The following TMEM164 variants were observed in gnomAD, a reference collection of about 807,000 sequenced individuals.
TMEM164 encodes the protein transmembrane protein 164.
In TMEM164, 4 loss-of-function variants were observed where a neutral mutation model predicts 18.8. The ratio of observed to expected loss-of-function variants is 0.21; its 90% CI spans 0.10 to 0.49. TMEM164 has a LOEUF of 0.49. Among genes scored for constraint, TMEM164 ranks in the 20% least tolerant of loss-of-function variants. TMEM164 has a pLI of 0.98. For synonymous variants in TMEM164, 86 were observed against 101.7 expected, an observed-to-expected ratio of 0.85 and a Z score of 0.93; for missense variants, 108 against 239.9, an observed-to-expected ratio of 0.45 and a Z score of 3.63.
chrX:110,103,308 T>G (rs774044689), intron 3 of TMEM164, among the ~76,000 whole-genome samples: 1 of 112,130 alleles, frequency 8.9e-6, no homozygotes, highest in East Asian at 2.8e-4. Flanking sequence ...ATTAGGGTGG[T>G]CAGGAGGCAG....
intron 2 of TMEM164, among the ~76,000 whole-genome samples, chrX:110,061,730 G>A (rs1022780624): frequency 2.7e-5 from 3 of 111,520 alleles, no homozygotes; most frequent in African/African-American, 9.8e-5. Context: ...AAACTCCTTA[G>A]ACTGACAAAA....
In TMEM164 at chrX:110,046,178, A is replaced by G. The variant is rs1935310399; in HGVS notation, c.391-21169A>G. ...CACAGATACCTGATTATTTCTGTCA[A>G]GCTCAGTGCTGACGTTATGGGCTTT... On this transcript the variant is annotated intron_variant, in intron 2 of 6. Transcript: ENST00000372068. 3 of 754,678 alleles carry G rather than the reference A, an allele frequency of 4.0e-6. No homozygotes were observed. The African/African-American group carries it at 6.8e-5, about 17-fold the overall frequency. The allele number at this position is 754,678 out of a possible 1,213,427, so 62.2% of individuals were successfully genotyped here. A position where few individuals can be genotyped will look rare whatever the true frequency, so the allele number is the denominator to read the frequency against.
At chrX:110,046,257 G>A (rs1438498441) in intron 2 of TMEM164, 8 of 753,156 alleles carry the variant, frequency 1.1e-5, no homozygotes, top group Non-Finnish European at 1.3e-5. Flanking sequence ...GATCCTGACT[G>A]TTCATTTATC....
rs767122986 is a variant in TMEM164, at chrX:110,003,791, A to G, written c.17A>G (p.Tyr6Cys). MSRYS[Y>C]QSLLDWLYGG... ...CACTGCATCATGTCCCGGTATAGCT[A>G]CCAGAGTCTCCTGGACTGGCTCTAT... is the stretch of plus-strand genomic sequence containing the variant. Residue 6 changes from tyrosine to cysteine, a missense_variant, in exon 2 of 7, where the codon TAC becomes TGC. Coordinates refer to ENST00000372068, the MANE Select transcript of TMEM164 (RefSeq NM_032227.4). 2.5e-6 allele frequency: 3 copies of G among 1,200,743 alleles called. No individual in the cohort carries two copies. The African/African-American group carries it at 5.3e-5, about 21-fold the overall frequency.
At chrX:110,066,754 T>C (rs936208339) in intron 2 of TMEM164, among the ~76,000 whole-genome samples, 4 of 111,611 alleles carry the variant, frequency 3.6e-5, no homozygotes, top group African/African-American at 1.3e-4. Context: ...TGGTTTTACC[T>C]GGGAGGAGAA....
intron 2 of TMEM164, among the ~76,000 whole-genome samples, chrX:110,033,553 GGCATCTA>G (rs1934617035): frequency 8.9e-6 from 1 of 111,813 alleles, no homozygotes; most frequent in Non-Finnish European, 1.9e-5. Flanking sequence ...AGGTAGCAAA[GGCATCTA>G]GCATCTGGAG....
chrX:110,061,580 G>A (rs1480522815), intron 2 of TMEM164, among the ~76,000 whole-genome samples: 1 of 111,979 alleles, frequency 8.9e-6, no homozygotes, highest in Non-Finnish European at 1.9e-5. Flanking sequence ...TACCTCAGTG[G>A]TTGGTCAACC....
chrX:110,007,869 A>T (rs1196830132), intron 2 of TMEM164, among the ~76,000 whole-genome samples: 1 of 112,155 alleles, frequency 8.9e-6, no homozygotes, highest in Non-Finnish European at 1.9e-5. Context: ...GTCTGTGCCA[A>T]CATCTCCTGA....
At chrX:110,104,686 A>C (rs1368051644) in intron 3 of TMEM164, among the ~76,000 whole-genome samples, 1 of 112,069 alleles carries the variant, frequency 8.9e-6, no homozygotes, top group Non-Finnish European at 1.9e-5. Context: ...TCTCTTCCTC[A>C]TGACTTTCTT....
At chrX:110,144,956 G>C (rs1184922957) in intron 5 of TMEM164, 80 bp downstream of exon 5, 160 of 771,126 alleles carry the variant, frequency 2.1e-4, no homozygotes, top group South Asian at 1.6e-3. Flanking sequence ...CAGCCTCTTG[G>C]GTGCTTCCCA....
chrX:110,169,129 C>A (rs977058171), intron 5 of TMEM164, among the ~76,000 whole-genome samples: 2 of 112,011 alleles, frequency 1.8e-5, no homozygotes, highest in African/African-American at 6.5e-5. Context: ...ACTATATGTC[C>A]TAGAGTACAG....
At chrX:110,166,573 G>T (rs925272016) in intron 5 of TMEM164, among the ~76,000 whole-genome samples, 1 of 111,813 alleles carries the variant, frequency 8.9e-6, no homozygotes, top group Non-Finnish European at 1.9e-5. Context: ...GAGAAAAGGG[G>T]CCCCTGGGAG....
intron 2 of TMEM164, among the ~76,000 whole-genome samples, chrX:110,012,004 C>T (rs1933032324): frequency 8.9e-6 from 1 of 111,978 alleles, no homozygotes; most frequent in Non-Finnish European, 1.9e-5. Context: ...CTTGAATCCT[C>T]GATAGGGGAT....
intron 5 of TMEM164, among the ~76,000 whole-genome samples, chrX:110,164,736 G>C (rs140798419): frequency 2.7e-5 from 3 of 111,320 alleles, no homozygotes; most frequent in Non-Finnish European, 5.7e-5. Flanking sequence ...GAAGGATAGC[G>C]GGTGGTACAG....
chrX:110,168,769 T>A (rs894270479), intron 5 of TMEM164, among the ~76,000 whole-genome samples: 1 of 112,332 alleles, frequency 8.9e-6, no homozygotes, highest in Non-Finnish European at 1.9e-5. Context: ...GCCTTTTCCT[T>A]CTCTCTTTCT....
At chrX:110,147,218 T>G (rs2066869410) in intron 5 of TMEM164, among the ~76,000 whole-genome samples, 1 of 112,225 alleles carries the variant, frequency 8.9e-6, no homozygotes, top group Admixed American at 9.4e-5. Context: ...CCCTGTTTCC[T>G]TTCCTTCAAA....
chrX:110,065,982 C>T (rs1004586901), intron 2 of TMEM164, among the ~76,000 whole-genome samples: 1 of 111,848 alleles, frequency 8.9e-6, no homozygotes, highest in Admixed American at 9.5e-5. Context: ...TAATTATCAT[C>T]GGCTTTGTAT....
chrX:110,141,268 TATGTCAG>T (rs751219351), intron 4 of TMEM164, among the ~76,000 whole-genome samples: 75 of 112,541 alleles, frequency 6.7e-4, no homozygotes, highest in African/African-American at 2.4e-3. Context: ...TAGTTTCCTG[TATGTCAG>T]ATGCGCATGA....
intron 3 of TMEM164, among the ~76,000 whole-genome samples, chrX:110,097,224 G>T (rs904926545): frequency 1.8e-5 from 2 of 111,785 alleles, no homozygotes; most frequent in Non-Finnish European, 3.8e-5. Flanking sequence ...TGCCTGCCTT[G>T]GCCTCCCAAA....
Sources: gnomAD v4.1 joint callset for allele counts (sites outside exome capture counted in the v4.1 genomes callset) on GRCh38, gnomAD v4.1.1 for gene constraint, MANE v1.5 for transcripts, NCBI Gene and HGNC (gene_info 2026-07-23, HGNC 2026-07-21) for gene names.